Variants in NELL2 observed in about 807,000 individuals in gnomAD.
The protein encoded by NELL2 is neural EGFL like 2, also known as protein kinase C-binding protein NELL2.
In NELL2, 41 loss-of-function variants were observed where a neutral mutation model predicts 109.6. The ratio of observed to expected loss-of-function variants is 0.37; its 90% CI spans 0.29 to 0.49. NELL2 has a LOEUF of 0.49. NELL2 is among the 20% of genes least tolerant of loss of function. The pLI is 0.98. For synonymous variants in NELL2, 355 were observed against 344.7 expected, an observed-to-expected ratio of 1.03 and a Z score of -0.33; for missense variants, 900 against 1,008.3, an observed-to-expected ratio of 0.89 and a Z score of 1.45.
chr12:44,803,124 C>T (rs1942887901), intron 3 of NELL2, among the ~76,000 whole-genome samples: 1 of 151,886 alleles, frequency 6.6e-6, no homozygotes, highest in South Asian at 2.1e-4. Flanking sequence ...AGATGAGTAA[C>T]AAGTAAACAC....
In NELL2 at chr12:44,779,593, G is replaced by C. The variant is rs1941877222; in HGVS notation, c.606+70C>G. ...ATTATTTTGTTTCACACCATAAAAA[G>C]TAAAATCTACTTTTTGAAACTCATT... is the stretch of plus-strand genomic sequence containing the variant. On this transcript the variant is annotated intron_variant, in intron 5 of 19. Transcript: ENST00000429094. The C allele has an allele frequency of 5.5e-6, 7 of 1,265,092 alleles. No individual in the cohort carries two copies. In the South Asian group the frequency reaches 7.9e-5, roughly 14 times the overall value. The allele number at this position is 1,265,092 out of a possible 1,614,324, so 78.4% of individuals were successfully genotyped here.
intron 15 of NELL2, among the ~76,000 whole-genome samples, chr12:44,587,309 T>TATATATATATA (rs1565974434): frequency 9.5e-4 from 66 of 69,482 alleles, no homozygotes; most frequent in South Asian, 2.5e-3. Context: ...ATATATATAT[T>TATATATATATA]TTTTTTTAAA....
chr12:44,915,191 T>C (rs1398456049), upstream of NELL2, among the ~76,000 whole-genome samples: 1 of 152,146 alleles, frequency 6.6e-6, no homozygotes, highest in African/African-American at 2.4e-5. Flanking sequence ...AAAATATTCG[T>C]TGGAAAAGCA....
intron 12 of NELL2, among the ~76,000 whole-genome samples, chr12:44,668,569 C>T (rs1432842420): frequency 2.0e-5 from 3 of 151,680 alleles, no homozygotes; most frequent in African/African-American, 2.4e-5. Flanking sequence ...CTGGTGCCCA[C>T]GTGCACTATC....
At chr12:44,864,937 A>G (rs1404223288) in intron 2 of NELL2, among the ~76,000 whole-genome samples, 1 of 149,126 alleles carries the variant, frequency 6.7e-6, no homozygotes, top group African/African-American at 2.5e-5. Flanking sequence ...TCCCTGAGGA[A>G]TCGCCACACT....
At chr12:44,661,793 A>T (rs1413647689) in intron 13 of NELL2, among the ~76,000 whole-genome samples, 1 of 152,174 alleles carries the variant, frequency 6.6e-6, no homozygotes, top group Admixed American at 6.5e-5. Context: ...GGCCTCAAGC[A>T]TCTTGGCTCA....
Position 44,704,529 on chromosome 12 carries a change from T to A in NELL2, c.1190-675A>T, listed in dbSNP as rs374998891. On this transcript the variant is annotated intron_variant, in intron 11 of 19. Coordinates refer to ENST00000429094, the MANE Select transcript of NELL2 (RefSeq NM_001145108.2). Reference sequence around the variant, plus strand: ...ATAGTGACAGCAATCATGTGCAATTTCTCAAGATCTCTTTTTGTGGCCTGA... The same window carrying A: ...ATAGTGACAGCAATCATGTGCAATTACTCAAGATCTCTTTTTGTGGCCTGA... 2.7e-3 allele frequency among the ~76,000 whole-genome samples: 414 copies of A among 152,310 alleles called. 3 individuals carry two copies. The highest frequency in any genetic ancestry group is 7.0e-3 in the South Asian group (34 of 4,830).
At chr12:44,750,082 A>G (rs1307704551) in intron 9 of NELL2, among the ~76,000 whole-genome samples, 5 of 152,152 alleles carry the variant, frequency 3.3e-5, no homozygotes, top group Admixed American at 3.3e-4. Flanking sequence ...TTGCAATAAG[A>G]AAAGTCCCCT....
intron 15 of NELL2, among the ~76,000 whole-genome samples, chr12:44,595,067 G>T (rs191673541): frequency 1.3e-5 from 2 of 152,226 alleles, no homozygotes; most frequent in Admixed American, 1.3e-4. Flanking sequence ...AAACCAAAAA[G>T]ATCATAATGA....
At position 44,584,823 on chromosome 12, in the gene NELL2, A is replaced by G. The variant is rs1023454211; in HGVS notation, c.1663+22346T>C. Reference sequence around the variant, plus strand: ...CACGTTAACAAGGCAGCCAGAATCCATTAGCTCTCTGGTAAATTTCCCTAA... The same window carrying G: ...CACGTTAACAAGGCAGCCAGAATCCGTTAGCTCTCTGGTAAATTTCCCTAA... On this transcript the variant is annotated intron_variant, in intron 15 of 19. Transcript: ENST00000429094. Among the ~76,000 whole-genome samples the G allele has an allele frequency of 3.9e-5, 6 of 152,206 alleles. No homozygotes were observed. The East Asian group carries it at 1.2e-3, about 29-fold the overall frequency.
rs1374165802 is a variant in NELL2 at position 44,703,724 on chromosome 12, A to G, written c.1318+2T>C. The stretch of plus-strand genomic sequence containing the variant: ...TGAGCTACACATCATTACAAGGATT[A>G]CCTTCACAGTAGGCATTATCCTCTC... On this transcript the variant is annotated splice_donor_variant, in intron 12 of 19. Transcript: ENST00000429094. LOFTEE classifies it high-confidence loss of function. The G allele has an allele frequency of 6.2e-7, 1 of 1,613,196 alleles. No individual in the cohort carries two copies. Among genetic ancestry groups the G allele is most frequent in the Non-Finnish European group, 8.5e-7 (1 of 1,179,438 alleles).
In NELL2 at chr12:44,747,311, AG is replaced by A. The variant is rs1336495420; in HGVS notation, c.994+27435del. On this transcript the variant is annotated intron_variant, in intron 9 of 19. Coordinates refer to ENST00000429094, the MANE Select transcript of NELL2 (RefSeq NM_001145108.2). ...CCGGGGACTGTTGTAAGGTGGGGGA[AG>A]GGGGGAGGGATAGCATTAGGAGATA... Among the ~76,000 whole-genome samples, 7 of 144,266 alleles carry A rather than the reference AG, an allele frequency of 4.9e-5. No homozygotes were observed. In the South Asian group the frequency reaches 1.2e-3, roughly 25 times the overall value. 94.6% of individuals were successfully genotyped at this position (144,266 alleles called of 152,430 possible).
intron 9 of NELL2, among the ~76,000 whole-genome samples, chr12:44,745,060 T>G (rs1000371633): frequency 6.6e-6 from 1 of 152,158 alleles, no homozygotes; most frequent in African/African-American, 2.4e-5. Flanking sequence ...CTACATAAAA[T>G]ACTGGCAAAC....
chr12:44,795,724 A>T (rs1288564690), intron 3 of NELL2, among the ~76,000 whole-genome samples: 1 of 152,154 alleles, frequency 6.6e-6, no homozygotes, highest in African/African-American at 2.4e-5. Flanking sequence ...CTCTAGTATA[A>T]TGAAATATAA....
chr12:44,852,462 A>G (rs1173942685), intron 2 of NELL2, among the ~76,000 whole-genome samples: 1 of 152,154 alleles, frequency 6.6e-6, no homozygotes, highest in African/African-American at 2.4e-5. Flanking sequence ...GCTTTGTTAC[A>G]CACAGATGGG....
chr12:44,858,260 C>G (rs888507929), intron 2 of NELL2, among the ~76,000 whole-genome samples: 7 of 152,178 alleles, frequency 4.6e-5, no homozygotes, highest in African/African-American at 1.7e-4. Flanking sequence ...AGGCCGTGCT[C>G]CTAAATGCTA....
intron 15 of NELL2, among the ~76,000 whole-genome samples, chr12:44,557,529 A>T (rs1943303433): frequency 1.3e-5 from 2 of 152,190 alleles, no homozygotes; most frequent in Admixed American, 1.3e-4. Context: ...AAGAGGTGGA[A>T]TCTACAAGAC....
intron 11 of NELL2, among the ~76,000 whole-genome samples, chr12:44,709,062 C>T (rs1221915396): frequency 6.6e-6 from 1 of 152,088 alleles, no homozygotes; most frequent in African/African-American, 2.4e-5. Flanking sequence ...CAAATCTTAT[C>T]CTACCCAACC....
intron 9 of NELL2, among the ~76,000 whole-genome samples, chr12:44,770,937 A>G (rs566177249): frequency 6.6e-6 from 1 of 152,218 alleles, no homozygotes; most frequent in Admixed American, 6.5e-5. Flanking sequence ...ATTCAGAAAA[A>G]TTAAATTGTT....
Sources: allele counts gnomAD v4.1 joint callset (sites outside exome capture counted in the v4.1 genomes callset), GRCh38; gene constraint gnomAD v4.1.1; transcripts MANE v1.5; gene names NCBI Gene and HGNC (gene_info 2026-07-23, HGNC 2026-07-21).